CHRM3: variants seen among roughly 807,000 people sequenced by gnomAD.
CHRM3 encodes the protein muscarinic acetylcholine receptor M3.
In CHRM3, 11 loss-of-function variants were observed where a neutral mutation model predicts 41.8. The ratio of observed to expected loss-of-function variants is 0.26; its 90% CI spans 0.17 to 0.44. The LOEUF is 0.44. Ranked by LOEUF, CHRM3 falls within the 20% of genes least tolerant of loss-of-function variation. The pLI, the probability that CHRM3 is intolerant of heterozygous loss-of-function variation, is 1.00. For synonymous variants in CHRM3, 297 were observed against 301.4 expected (o/e 0.99, Z 0.15); for missense variants, 571 against 745.4 (o/e 0.77, Z 2.72).
rs113866651 is a variant in CHRM3, at chr1:239,446,125, T to G, written c.-520-46584T>G. Among the ~76,000 whole-genome samples the G allele has an allele frequency of 5.1e-3, 778 of 152,158 alleles. 7 individuals carry two copies. The highest frequency in any genetic ancestry group is 7.6e-3 in the Non-Finnish European group (515 of 68,010). Reference sequence around the variant, plus strand: ...CTAATTTTTGTATTTTTAGTAGAGATGGGGTTTCACCATGTTGGCCAGGAT... The same window carrying G: ...CTAATTTTTGTATTTTTAGTAGAGAGGGGGTTTCACCATGTTGGCCAGGAT... On this transcript the variant is annotated intron_variant, in intron 1 of 6. Transcript: ENST00000676153.
At chr1:239,558,698 T>C (rs576566791) in intron 3 of CHRM3, among the ~76,000 whole-genome samples, 2 of 152,304 alleles carry the variant, frequency 1.3e-5, no homozygotes, top group Admixed American at 6.5e-5. Flanking sequence ...CCATGTTCTC[T>C]TTTCCTAGAA....
intron 5 of CHRM3, among the ~76,000 whole-genome samples, chr1:239,715,178 A>G (rs1371545255): frequency 1.3e-5 from 2 of 151,968 alleles, no homozygotes; most frequent in Non-Finnish European, 2.9e-5. Flanking sequence ...GGAAATATCA[A>G]CTTCAATGAA....
intron 5 of CHRM3, among the ~76,000 whole-genome samples, chr1:239,785,852 C>T (rs757824767): frequency 2.6e-5 from 4 of 152,046 alleles, no homozygotes; most frequent in Non-Finnish European, 5.9e-5. Context: ...ATTCTTCCTG[C>T]TTGGATATTT....
chr1:239,904,723 A>G (rs1028357757), intron 6 of CHRM3, among the ~76,000 whole-genome samples: 3 of 152,248 alleles, frequency 2.0e-5, no homozygotes, highest in Admixed American at 6.5e-5. Flanking sequence ...TCAATTTCCT[A>G]TAATTGAAAA....
intron 3 of CHRM3, among the ~76,000 whole-genome samples, chr1:239,603,543 T>G (rs973223290): frequency 9.9e-5 from 15 of 152,114 alleles, no homozygotes; most frequent in Non-Finnish European, 1.9e-4. Flanking sequence ...TAAGTAAGAA[T>G]GTATAGACAA....
At chr1:239,713,074 A>C (rs1447723640) in intron 5 of CHRM3, among the ~76,000 whole-genome samples, 1 of 152,164 alleles carries the variant, frequency 6.6e-6, no homozygotes, top group Non-Finnish European at 1.5e-5. Flanking sequence ...GCCCGGGCAC[A>C]ATCTGCTTCT....
intron 6 of CHRM3, among the ~76,000 whole-genome samples, chr1:239,874,114 G>A (rs1167288353): frequency 6.6e-6 from 1 of 151,524 alleles, no homozygotes; most frequent in Non-Finnish European, 1.5e-5. Flanking sequence ...GCCTGCCAAA[G>A]GTACCAGCAC....
chr1:239,597,565 CTCT>C (rs1664927769), intron 3 of CHRM3, among the ~76,000 whole-genome samples: 1 of 151,940 alleles, frequency 6.6e-6, no homozygotes, highest in South Asian at 2.1e-4. Flanking sequence ...GTTCTTTTGT[CTCT>C]TCTTAAAATC....
intron 5 of CHRM3, among the ~76,000 whole-genome samples, chr1:239,735,489 G>A (rs763696285): frequency 4.0e-5 from 6 of 151,856 alleles, no homozygotes; most frequent in East Asian, 1.9e-4. Context: ...TCCTGAAATC[G>A]TTTTGAATGT....
intron 5 of CHRM3, among the ~76,000 whole-genome samples, chr1:239,803,131 G>T (rs1257318066): frequency 2.0e-5 from 3 of 151,916 alleles, no homozygotes; most frequent in African/African-American, 4.8e-5. Flanking sequence ...CTTTTTTGGG[G>T]GTAACATGGT....
chr1:239,769,326 T>C (rs1307049732), intron 5 of CHRM3, among the ~76,000 whole-genome samples: 1 of 152,164 alleles, frequency 6.6e-6, no homozygotes, highest in Non-Finnish European at 1.5e-5. Flanking sequence ...GCAAAGGCAT[T>C]GATGTTATTG....
At chr1:239,581,396 G>A (rs1180058443) in intron 3 of CHRM3, among the ~76,000 whole-genome samples, 1 of 141,780 alleles carries the variant, frequency 7.1e-6, no homozygotes, top group Admixed American at 7.4e-5. Context: ...TTCAAATACG[G>A]GCCTGTTTAA....
At chr1:239,827,893 A>T (rs1022344140) in intron 6 of CHRM3, among the ~76,000 whole-genome samples, 3 of 152,214 alleles carry the variant, frequency 2.0e-5, no homozygotes, top group African/African-American at 7.2e-5. Flanking sequence ...CCTTTAATGT[A>T]TTTTAAATTA....
chr1:239,742,509 G>A (rs114439728), intron 5 of CHRM3, among the ~76,000 whole-genome samples: 156 of 152,154 alleles, frequency 1.0e-3, no homozygotes, highest in African/African-American at 3.6e-3. Context: ...TTCTTATGAT[G>A]GTCTTACCAG....
At position 239,748,992 on chromosome 1, in the gene CHRM3, A is replaced by G. The variant is rs1403789649; in HGVS notation, c.-147+70704A>G. ...TGCTCAGGAAAGACGGCTTCTCATT[A>G]TGGTGCAGGTAGGGAAAACCTGGGG... On this transcript the variant is annotated intron_variant, in intron 5 of 6. Transcript: ENST00000676153. The surrounding 1 kb of genome is among the most constrained non-coding windows in gnomAD (Gnocchi z 4.3). 6.6e-6 allele frequency among the ~76,000 whole-genome samples: 1 copy of G among 152,114 alleles called. No homozygotes were observed. Among genetic ancestry groups the G allele is most frequent in the Non-Finnish European group, 1.5e-5 (1 of 68,016 alleles).
chr1:239,632,134 C>T (rs1171889769), intron 3 of CHRM3, 90 bp from the exon 4 acceptor site: 1 of 152,182 alleles, frequency 6.6e-6, no homozygotes, highest in Non-Finnish European at 1.5e-5. Flanking sequence ...TGCCTCTAAT[C>T]GTGTTGTGTA....
At chr1:239,433,696 G>A (rs1032572613) in intron 1 of CHRM3, among the ~76,000 whole-genome samples, 1 of 150,352 alleles carries the variant, frequency 6.7e-6, no homozygotes, top group South Asian at 2.1e-4. Context: ...ACTTATGAAC[G>A]AAGACATATG....
intron 1 of CHRM3, among the ~76,000 whole-genome samples, chr1:239,485,847 C>T (rs567604993): frequency 1.3e-5 from 2 of 152,184 alleles, no homozygotes; most frequent in African/African-American, 2.4e-5. Context: ...TGTTTTCTGT[C>T]AGTCGGTGAT....
At chr1:239,407,887 G>A (rs1025979798) in intron 1 of CHRM3, among the ~76,000 whole-genome samples, 3 of 152,158 alleles carry the variant, frequency 2.0e-5, no homozygotes. Context: ...AGTGGAAGAG[G>A]AAGATGGAGA....
Sources: gnomAD v4.1 joint callset for allele counts (sites outside exome capture counted in the v4.1 genomes callset) on GRCh38, gnomAD v4.1.1 for gene constraint, Gnocchi (gnomAD v3.1) non-coding constraint, MANE v1.5 for transcripts, NCBI Gene and HGNC (gene_info 2026-07-23, HGNC 2026-07-21) for gene names.